The following POU6F2 variants were observed in gnomAD, a reference collection of about 807,000 sequenced individuals.
The protein encoded by POU6F2 is POU domain, class 6, transcription factor 2.
A neutral mutation model predicts 71.3 loss-of-function variants in POU6F2; 31 were observed. The observed-to-expected ratio is 0.43, with a 90% CI of 0.33 to 0.59. The LOEUF is 0.59. Among genes scored for constraint, POU6F2 ranks in the 20% least tolerant of loss-of-function variants. The pLI, the probability that POU6F2 is intolerant of heterozygous loss-of-function variation, is 0.04. For synonymous variants in POU6F2, 347 were observed against 355.7 expected, an observed-to-expected ratio of 0.98 and a Z score of 0.27; for missense variants, 783 against 856.8, an observed-to-expected ratio of 0.91 and a Z score of 1.07.
chr7:39,457,569 A>G (rs1195969069), intron 8 of POU6F2, among the ~76,000 whole-genome samples: 2 of 152,186 alleles, frequency 1.3e-5, no homozygotes, highest in African/African-American at 4.8e-5. Flanking sequence ...AGGATCAGTA[A>G]AGACAATGGC....
intron 2 of POU6F2, among the ~76,000 whole-genome samples, chr7:39,181,257 G>T (rs1375144207): frequency 6.6e-6 from 1 of 152,120 alleles, no homozygotes; most frequent in Non-Finnish European, 1.5e-5. Context: ...GGTCCTTTGA[G>T]AACCTTGCTC....
intron 1 of POU6F2, among the ~76,000 whole-genome samples, chr7:39,049,169 CTA>C (rs2128713563): frequency 6.6e-6 from 1 of 151,594 alleles, no homozygotes; most frequent in Non-Finnish European, 1.5e-5. Flanking sequence ...TCGTTATTTT[CTA>C]TGTTTTTTTC....
rs531110275 is a variant in POU6F2, at chr7:39,110,140, G to A, written c.277+24109G>A. 6.6e-5 allele frequency among the ~76,000 whole-genome samples: 10 copies of A among 151,696 alleles called. No homozygotes were observed. In the South Asian group the frequency reaches 1.0e-3, roughly 16 times the overall value. On this transcript the variant is annotated intron_variant, in intron 2 of 9. Transcript: ENST00000518318. ...ACAAAAATTAGCTGGGTTTGGTGGC[G>A]GGCGGCTGTAATCCCAGCTACTCAG...
At chr7:39,102,079 A>C (rs1791586008) in intron 2 of POU6F2, among the ~76,000 whole-genome samples, 1 of 152,298 alleles carries the variant, frequency 6.6e-6, no homozygotes, top group South Asian at 2.1e-4. Context: ...AATCCACAGA[A>C]TCATCAGAGC....
chr7:39,415,397 A>G (rs1460107354), intron 6 of POU6F2, among the ~76,000 whole-genome samples: 5 of 152,160 alleles, frequency 3.3e-5, no homozygotes, highest in Non-Finnish European at 5.9e-5. Context: ...GAGGCTCCTA[A>G]ATCTAGTCTG....
At chr7:39,099,079 GA>G (rs1791517658) in intron 2 of POU6F2, among the ~76,000 whole-genome samples, 1 of 152,134 alleles carries the variant, frequency 6.6e-6, no homozygotes, top group Non-Finnish European at 1.5e-5. Context: ...CTCATAAATG[GA>G]GGTTCTACAG....
At chr7:39,200,860 AG>A (rs61411029) in intron 2 of POU6F2, among the ~76,000 whole-genome samples, 61,493 of 122,176 alleles carry the variant, frequency 0.5, 13,377 homozygotes, top group East Asian at 0.85. Flanking sequence ...CAAGAAAAAA[AG>A]AAAAAAAAAG....
At chr7:39,268,050 A>G (rs1045913566) in intron 4 of POU6F2, among the ~76,000 whole-genome samples, 3 of 152,158 alleles carry the variant, frequency 2.0e-5, no homozygotes, top group Admixed American at 1.3e-4. Flanking sequence ...TCCTTAAAAT[A>G]TACTAATTCC....
rs894580229 is a variant in POU6F2, at chr7:39,406,826, T to G, written c.1113+86T>G. On this transcript the variant is annotated intron_variant, in intron 6 of 9. Coordinates refer to ENST00000518318, the MANE Select transcript of POU6F2 (RefSeq NM_001370959.1). ...GAATTTCTTTTGCATGACAGTGATA[T>G]GTAACCGCATCTATTCGAGGCAAAT... is the stretch of plus-strand genomic sequence containing the variant. 6.0e-6 allele frequency: 9 copies of G among 1,505,532 alleles called. No individual in the cohort carries two copies. The Admixed American group carries it at 6.7e-5, about 11-fold the overall frequency. The allele number at this position is 1,505,532 out of a possible 1,614,324, so 93.3% of individuals were successfully genotyped here. A position where few individuals can be genotyped will look rare whatever the true frequency, so the allele number is the denominator to read the frequency against.
chr7:39,330,487 A>G (rs1237418415), intron 4 of POU6F2, among the ~76,000 whole-genome samples: 2 of 152,104 alleles, frequency 1.3e-5, no homozygotes, highest in Non-Finnish European at 2.9e-5. Flanking sequence ...TGCTTTGTTT[A>G]TAGGTTGTTC....
intron 2 of POU6F2, among the ~76,000 whole-genome samples, chr7:39,146,996 C>T (rs1197196336): frequency 3.3e-5 from 5 of 151,962 alleles, no homozygotes; most frequent in Admixed American, 3.3e-4. Flanking sequence ...CAAAAAAGAG[C>T]TTAACTGCAT....
intron 4 of POU6F2, among the ~76,000 whole-genome samples, chr7:39,233,120 T>C (rs1369558686): frequency 6.6e-6 from 1 of 152,226 alleles, no homozygotes; most frequent in Admixed American, 6.5e-5. Context: ...TCCTATGCTG[T>C]GCTCAGGTAT....
chr7:39,220,537 T>C (rs929136465), intron 4 of POU6F2, among the ~76,000 whole-genome samples: 14 of 152,256 alleles, frequency 9.2e-5, no homozygotes, highest in Middle Eastern at 3.4e-3. Context: ...AGATCTGAGA[T>C]GTTTAGTTAA....
At chr7:39,413,295 A>G (rs1787594379) in intron 6 of POU6F2, among the ~76,000 whole-genome samples, 1 of 152,208 alleles carries the variant, frequency 6.6e-6, no homozygotes, top group Admixed American at 6.5e-5. Context: ...AACACTTTCC[A>G]TGCACGTTCT....
chr7:39,258,709 A>G (rs1262744313), intron 4 of POU6F2, among the ~76,000 whole-genome samples: 1 of 151,842 alleles, frequency 6.6e-6, no homozygotes, highest in African/African-American at 2.4e-5. Context: ...TTTAAAAAAA[A>G]AAAAAGAAGA....
chr7:39,078,265 T>C (rs1315134377), intron 1 of POU6F2, among the ~76,000 whole-genome samples: 2 of 152,232 alleles, frequency 1.3e-5, no homozygotes, highest in East Asian at 3.8e-4. Context: ...ATACCTTGCA[T>C]GAAGGTTCAT....
chr7:39,127,916 C>T (rs568365095), intron 2 of POU6F2, among the ~76,000 whole-genome samples: 2 of 142,766 alleles, frequency 1.4e-5, no homozygotes, highest in Non-Finnish European at 3.0e-5. Flanking sequence ...AATCTCTGCT[C>T]ACTGCAAACT....
chr7:39,134,385 A>T (rs1039079388), intron 2 of POU6F2, among the ~76,000 whole-genome samples: 4 of 152,096 alleles, frequency 2.6e-5, no homozygotes, highest in African/African-American at 9.7e-5. Flanking sequence ...TTCTTAGGGG[A>T]TGCTGGTGCT....
intron 2 of POU6F2, among the ~76,000 whole-genome samples, chr7:39,088,497 C>T (rs149362076): frequency 1.9e-3 from 290 of 152,110 alleles, no homozygotes; most frequent in African/African-American, 6.8e-3. Flanking sequence ...AGATGTAGTC[C>T]TGATTGTACC....
Sources: gnomAD v4.1 joint callset for allele counts (sites outside exome capture counted in the v4.1 genomes callset) on GRCh38, gnomAD v4.1.1 for gene constraint, MANE v1.5 for transcripts, NCBI Gene and HGNC (gene_info 2026-07-23, HGNC 2026-07-21) for gene names.